Variants in DCLRE1B observed in about 807,000 individuals in gnomAD.
DCLRE1B encodes the protein 5' exonuclease Apollo.
A neutral mutation model predicts 19.8 loss-of-function variants in DCLRE1B; 6 were observed. That is an observed-to-expected ratio of 0.30 (90% CI 0.17 to 0.60). DCLRE1B has a LOEUF of 0.60. Ranked by LOEUF, DCLRE1B falls within the 20% of genes least tolerant of loss-of-function variation. DCLRE1B has a pLI of 0.87. For missense variants in DCLRE1B, 622 were observed against 654.2 expected (o/e 0.95, Z 0.54); for synonymous variants, 258 against 255.7 (o/e 1.01, Z -0.09).
upstream of DCLRE1B, chr1:113,904,818 T>C: frequency 1.9e-6 from 2 of 1,045,910 alleles, no homozygotes; most frequent in Admixed American, 1.7e-5. Context: ...TATGAGTCAG[T>C]GAAAATACAA....
intron 3 of DCLRE1B, 25 bp from the exon 4 acceptor site, chr1:113,911,105 TC>T: frequency 6.4e-7 from 1 of 1,553,796 alleles, no homozygotes; most frequent in Non-Finnish European, 8.7e-7. Context: ...TCTCTTACTT[TC>T]CCCAATACAT....
In DCLRE1B at chr1:113,911,795, C is replaced by T. The variant is rs748792245; in HGVS notation, c.1203C>T (p.Phe401=). The stretch of plus-strand genomic sequence containing the variant: ...CTTTGCGGATCAAGAAGCAGTTGTT[C>T]CCAGATCTCTATAGCAAAGAATGGA... ...HHPLRIKKQL[F]PDLYSKEWNK... Residue 401 remains phenylalanine, a synonymous_variant, in exon 4 of 4, where the codon TTC becomes TTT. Coordinates refer to ENST00000650450, the MANE Select transcript of DCLRE1B (RefSeq NM_022836.4). 21 of 1,614,082 alleles carry T rather than the reference C, an allele frequency of 1.3e-5. No homozygotes were observed. The highest frequency in any genetic ancestry group is 3.3e-4 in the Middle Eastern group (2 of 6,084).
chr1:113,909,827 C>G (rs914466979), intron 3 of DCLRE1B, among the ~76,000 whole-genome samples: 1 of 152,012 alleles, frequency 6.6e-6, no homozygotes, highest in Non-Finnish European at 1.5e-5. Context: ...AGGGAAGGAC[C>G]TGTGGGGAGG....
chr1:113,911,262 G>C lies in DCLRE1B; in HGVS notation c.670G>C (p.Glu224Gln). ...CCTGGCAGATGTGTTCACAGTGGAG[G>C]AGAAGGCTGGCCGCATCCATGCAGT... The part of the protein sequence containing the change: ...LGLADVFTVE[E>Q]KAGRIHAVDH... Residue 224 changes from glutamate (E) to glutamine (Q), a missense_variant, in exon 4 of 4, where the codon GAG (glutamate) becomes CAG (glutamine). Physicochemically the swap from Glu to Gln is conservative, Grantham distance 29. Around this residue, in one of 3 missense-constraint regions of DCLRE1B, gnomAD observed 382 missense variants for 412.5 expected, o/e 0.93. Transcript: ENST00000650450. The C allele has an allele frequency of 6.2e-7, 1 of 1,614,134 alleles. No homozygotes were observed. Among genetic ancestry groups the C allele is most frequent in the Non-Finnish European group, 8.5e-7 (1 of 1,180,040 alleles).
chr1:113,911,731 C>G lies in DCLRE1B; in HGVS notation c.1139C>G (p.Pro380Arg). The G allele has an allele frequency of 6.2e-7, 1 of 1,614,158 alleles. No individual in the cohort carries two copies. The part of the protein sequence containing the change: ...SKKAKKEKLS[P>R]WPADLEKQPS... Reference sequence around the variant, plus strand: ...AAGGCCAAGAAAGAGAAACTTTCTCCCTGGCCTGCGGACCTTGAAAAGCAG... The same window carrying G: ...AAGGCCAAGAAAGAGAAACTTTCTCGCTGGCCTGCGGACCTTGAAAAGCAG... The change falls in exon 4 of 4, where the codon CCC becomes CGC. Residue 380 changes from proline (P) to arginine (R), a missense_variant. Coordinates refer to ENST00000650450, the MANE Select transcript of DCLRE1B (RefSeq NM_022836.4).
At chr1:113,908,552 A>C (rs1201080396) in intron 3 of DCLRE1B, among the ~76,000 whole-genome samples, 1 of 152,208 alleles carries the variant, frequency 6.6e-6, no homozygotes, top group Non-Finnish European at 1.5e-5. Context: ...TCAAGGTTGC[A>C]GTGAGCCATG....
chr1:113,909,573 T>C (rs1669176205), intron 3 of DCLRE1B, among the ~76,000 whole-genome samples: 1 of 152,174 alleles, frequency 6.6e-6, no homozygotes, highest in African/African-American at 2.4e-5. Context: ...ACCAAATCGA[T>C]TGAGAAATAT....
chr1:113,907,741 T>C (rs1438161578), intron 2 of DCLRE1B, among the ~76,000 whole-genome samples: 1 of 152,176 alleles, frequency 6.6e-6, no homozygotes, highest in Non-Finnish European at 1.5e-5. Context: ...CCCAAAGTGC[T>C]GGGATTACAG....
chr1:113,911,092 C>G (rs1316293709), intron 3 of DCLRE1B, 39 bp from the exon 4 acceptor site: 1 of 1,529,008 alleles, frequency 6.5e-7, no homozygotes, highest in Admixed American at 2.1e-5. Context: ...TAATTTTCTT[C>G]CTTCTCTTAC....
chr1:113,905,691 C>T lies in DCLRE1B; in HGVS notation c.105C>T (p.Asp35=). ...RLFFLSHMHS[D]HTVGLSSTWA... is the part of the protein sequence containing the mutation. ...TCTTCTTGTCTCACATGCACTCGGACCACACCGTGGGCCTGTCTAGCACCT... is the reference window on the plus strand; with the variant it reads ...TCTTCTTGTCTCACATGCACTCGGATCACACCGTGGGCCTGTCTAGCACCT... The change falls in exon 1 of 4, where the codon GAC becomes GAT. Residue 35 remains aspartate, a synonymous_variant. Coordinates refer to ENST00000650450, the MANE Select transcript of DCLRE1B (RefSeq NM_022836.4). The T allele has an allele frequency of 1.2e-6, 2 of 1,614,200 alleles. No homozygotes were observed. The highest frequency in any genetic ancestry group is 8.5e-7 in the Non-Finnish European group (1 of 1,180,040).
upstream of DCLRE1B, chr1:113,905,041 C>A: frequency 2.5e-6 from 1 of 407,316 alleles, no homozygotes; most frequent in Non-Finnish European, 4.7e-6. Context: ...CCGCAGACCC[C>A]TCCCTCTCCA....
Position 113,911,169 on chromosome 1 carries a change from C to G in DCLRE1B, c.577C>G (p.Leu193Val), listed in dbSNP as rs1669235802. 1.2e-6 allele frequency: 2 copies of G among 1,614,178 alleles called. No individual in the cohort carries two copies. The highest frequency in any genetic ancestry group is 1.7e-6 in the Non-Finnish European group (2 of 1,180,024). ...SLGKESLLEQ[L>V]ALEFQTWVVL... is the part of the protein sequence containing the mutation. ...GGGAAAGGAATCACTGCTGGAGCAG[C>G]TGGCCCTGGAGTTTCAGACCTGGGT... Residue 193 changes from leucine (L) to valine (V), a missense_variant, in exon 4 of 4, where the codon CTG becomes GTG. Leu to Val is a conservative substitution (Grantham distance 32). This residue lies in a region of DCLRE1B where 3 missense variants were observed against 17.9 expected (regional missense o/e 0.17). Transcript: ENST00000650450.
intron 1 of DCLRE1B, among the ~76,000 whole-genome samples, chr1:113,906,723 G>C (rs1409871971): frequency 6.6e-6 from 1 of 150,614 alleles, no homozygotes; most frequent in Non-Finnish European, 1.5e-5. Context: ...TCGATCTCCT[G>C]ACCTCGTGAT....
intron 1 of DCLRE1B, among the ~76,000 whole-genome samples, chr1:113,906,081 G>A: frequency 8.2e-6 from 1 of 122,080 alleles, no homozygotes; most frequent in Admixed American, 1.1e-4. Flanking sequence ...TTTTGAGACG[G>A]AGTCTCGCTC....
At chr1:113,908,291 T>G in intron 3 of DCLRE1B, 100 bp downstream of exon 3, 1 of 1,455,606 alleles carries the variant, frequency 6.9e-7, no homozygotes, top group Non-Finnish European at 9.3e-7. Context: ...TCTCACTTTC[T>G]CCTACACTGA....
At chr1:113,906,929 A>G in intron 1 of DCLRE1B, 67 bp from the exon 2 acceptor site, 1 of 1,564,250 alleles carries the variant, frequency 6.4e-7, no homozygotes, top group Admixed American at 1.7e-5. Context: ...TGTAAGGGAT[A>G]GTCCCTGACC....
upstream of DCLRE1B, chr1:113,904,804 G>T: frequency 8.9e-7 from 1 of 1,118,778 alleles, no homozygotes; most frequent in Non-Finnish European, 1.4e-6. Flanking sequence ...CTGAGTAAAG[G>T]AAATATGAGT....
At position 113,907,147 on chromosome 1, in the gene DCLRE1B, C is replaced by G. The variant is rs2101068175; in HGVS notation, c.341C>G (p.Thr114Ser). 2 of 1,601,720 alleles carry G rather than the reference C, an allele frequency of 1.2e-6. No individual in the cohort carries two copies. Among genetic ancestry groups the G allele is most frequent in the Non-Finnish European group, 8.5e-7 (1 of 1,173,610 alleles). The change falls in exon 2 of 4, where the codon ACC becomes AGC. Residue 114 changes from threonine (T) to serine (S), a missense_variant. This residue lies in a region of DCLRE1B where 237 missense variants were observed against 223.8 expected (regional missense o/e 1.06). Transcript: ENST00000650450. ...TTTCTCTTTGAAGGATATTTTGGAA[C>G]CATCCTCTACACAGGTGGGCCTCTC... Reference protein sequence around the residue: ...VMFLFEGYFGTILYTGDFRYT... With the variant: ...VMFLFEGYFGSILYTGDFRYT...
Position 113,905,684 on chromosome 1 carries a change from AC to A in DCLRE1B, c.99del (p.Ser34ArgfsTer49). On this transcript the variant is annotated frameshift_variant, in exon 1 of 4. Transcript: ENST00000650450. LOFTEE classifies it high-confidence loss of function. ...CGTCTCTTCTTCTTGTCTCACATGCACTCGGACCACACCGTGGGCCTGTCTA... is the reference window on the plus strand; with the variant it reads ...CGTCTCTTCTTCTTGTCTCACATGCATCGGACCACACCGTGGGCCTGTCTA... ...TARLFFLSHMHSDHTVGLSST... is the reference protein window; with the variant it reads ...TARLFFLSHMXSDHTVGLSST... The A allele has an allele frequency of 6.2e-7, 1 of 1,613,858 alleles. No individual in the cohort carries two copies. Among genetic ancestry groups the A allele is most frequent in the Non-Finnish European group, 8.5e-7 (1 of 1,179,980 alleles).
Sources: gnomAD v4.1 joint callset for allele counts (sites outside exome capture counted in the v4.1 genomes callset) on GRCh38, gnomAD v4.1.1 for gene constraint, gnomAD v4.1.1 regional missense constraint, MANE v1.5 for transcripts, NCBI Gene and HGNC (gene_info 2026-07-23, HGNC 2026-07-21) for gene names.